GALNT17: variants seen among roughly 807,000 people sequenced by gnomAD.
GALNT17 encodes UDP-GalNAc:polypeptide N-acetylgalactosaminyltransferase-like 3.
Under a neutral mutation model 63.7 loss-of-function variants are expected in GALNT17, and 29 were observed. The ratio of observed to expected loss-of-function variants is 0.46; its 90% CI spans 0.34 to 0.62. The LOEUF is 0.62. Ranked by LOEUF, GALNT17 falls within the 20% of genes least tolerant of loss-of-function variation. The probability of loss-of-function intolerance (pLI) is 0.01; values close to 1 mark genes in which losing one functional copy is unlikely to be tolerated. For synonymous variants in GALNT17, 305 were observed against 318.3 expected, an observed-to-expected ratio of 0.96 and a Z score of 0.45; for missense variants, 603 against 799.6, an observed-to-expected ratio of 0.75 and a Z score of 2.97.
intron 1 of GALNT17, among the ~76,000 whole-genome samples, chr7:71,207,687 G>A (rs1253774502): frequency 6.6e-6 from 1 of 152,118 alleles, no homozygotes; most frequent in Middle Eastern, 3.2e-3. Context: ...GAATTTGGGA[G>A]GGCATAGTGA....
intron 5 of GALNT17, among the ~76,000 whole-genome samples, chr7:71,565,370 G>A (rs1789325282): frequency 2.0e-5 from 3 of 152,180 alleles, no homozygotes; most frequent in African/African-American, 4.8e-5. Context: ...CCTCAGTGAA[G>A]GTGATGTGAT....
chr7:71,379,740 G>A (rs1792810218), intron 2 of GALNT17, among the ~76,000 whole-genome samples: 1 of 152,096 alleles, frequency 6.6e-6, no homozygotes, highest in Non-Finnish European at 1.5e-5. Flanking sequence ...GCTGAATTTG[G>A]GATGTTTATG....
intron 1 of GALNT17, among the ~76,000 whole-genome samples, chr7:71,151,783 A>G (rs900555823): frequency 6.6e-6 from 1 of 152,162 alleles, no homozygotes. Context: ...GTTTGTAATT[A>G]TAAACAACTA....
chr7:71,593,375 C>T (rs1344306299), intron 6 of GALNT17, among the ~76,000 whole-genome samples: 2 of 147,616 alleles, frequency 1.4e-5, no homozygotes, highest in East Asian at 4.0e-4. Context: ...AAGCTATTCT[C>T]CTGCCTCAGC....
chr7:71,322,647 G>C (rs1181820699), intron 1 of GALNT17, among the ~76,000 whole-genome samples: 1 of 152,152 alleles, frequency 6.6e-6, no homozygotes, highest in East Asian at 1.9e-4. Context: ...GAAGCCCCAA[G>C]CCTCATTGTG....
At chr7:71,450,815 T>C (rs1450086947) in intron 5 of GALNT17, among the ~76,000 whole-genome samples, 4 of 152,248 alleles carry the variant, frequency 2.6e-5, no homozygotes, top group Non-Finnish European at 4.4e-5. Flanking sequence ...GCGTGTGTGC[T>C]GGCTTGAGTG....
intron 1 of GALNT17, among the ~76,000 whole-genome samples, chr7:71,216,065 A>AATAATAATG (rs147593554): frequency 0.32 from 48,124 of 151,032 alleles, 8,538 homozygotes; most frequent in South Asian, 0.52. Flanking sequence ...TAATAATAAT[A>AATAATAATG]AAAAAGCCAA....
chr7:71,334,401 G>A (rs1791861482), intron 1 of GALNT17, among the ~76,000 whole-genome samples: 1 of 152,072 alleles, frequency 6.6e-6, no homozygotes. Flanking sequence ...TCTGTCAGTG[G>A]CAGCAATGAA....
chr7:71,500,414 T>C (rs965536605), intron 5 of GALNT17, among the ~76,000 whole-genome samples: 1 of 152,172 alleles, frequency 6.6e-6, no homozygotes, highest in African/African-American at 2.4e-5. Flanking sequence ...TCCTCCTTGA[T>C]CCTCCACCTA....
intron 5 of GALNT17, among the ~76,000 whole-genome samples, chr7:71,438,308 G>A (rs1787003430): frequency 6.6e-6 from 1 of 152,232 alleles, no homozygotes; most frequent in East Asian, 1.9e-4. Context: ...ATGGGAGAAA[G>A]ATGCAGTCTG....
rs1243214247 is a variant in GALNT17 at position 71,713,546 on chromosome 7, A to G, written c.*1400A>G. 1 of 152,156 alleles carries G rather than the reference A, an allele frequency of 6.6e-6. No homozygotes were observed. The highest frequency in any genetic ancestry group is 6.6e-5 in the Admixed American group (1 of 15,248). 9.4% of individuals were successfully genotyped at this position (152,156 alleles called of 1,614,324 possible). ...ATTTGGTGACGTCTTACTGGTGATC[A>G]TCTCCTCACCCCATCTCCCACCTTG... On this transcript the variant is annotated 3_prime_UTR_variant, in exon 11 of 11. Transcript: ENST00000333538.
chr7:71,371,691 T>A (rs2116276133), intron 2 of GALNT17, among the ~76,000 whole-genome samples: 1 of 152,334 alleles, frequency 6.6e-6, no homozygotes, highest in Admixed American at 6.5e-5. Context: ...TTCACTTATA[T>A]CTTGTTTTAT....
chr7:71,288,807 T>C (rs1307788274), intron 1 of GALNT17, among the ~76,000 whole-genome samples: 1 of 151,878 alleles, frequency 6.6e-6, no homozygotes, highest in Admixed American at 6.6e-5. Context: ...GAGAGGAGAG[T>C]TGGTTGATGC....
At chr7:71,197,986 T>C in intron 1 of GALNT17, among the ~76,000 whole-genome samples, 1 of 151,714 alleles carries the variant, frequency 6.6e-6, no homozygotes, top group African/African-American at 2.4e-5. Context: ...TCACCAGAGG[T>C]TGGGAGTTCG....
intron 1 of GALNT17, among the ~76,000 whole-genome samples, chr7:71,193,177 C>A (rs978377507): frequency 2.0e-5 from 3 of 151,952 alleles, no homozygotes; most frequent in African/African-American, 7.2e-5. Flanking sequence ...TTGCTCACTG[C>A]AGCCTTGACC....
intron 3 of GALNT17, among the ~76,000 whole-genome samples, chr7:71,400,518 T>C (rs1793221238): frequency 6.6e-6 from 1 of 152,230 alleles, no homozygotes; most frequent in African/African-American, 2.4e-5. Context: ...CTTTTCTTTT[T>C]GATACCAAAG....
chr7:71,294,409 C>CTTTTTTTTTTT (rs869086513), intron 1 of GALNT17, among the ~76,000 whole-genome samples: 1 of 91,920 alleles, frequency 1.1e-5, no homozygotes, highest in Non-Finnish European at 1.9e-5. Context: ...CTCATAAGTC[C>CTTTTTTTTTTT]TTTTTTTTTT....
At chr7:71,307,557 C>T (rs553356970) in intron 1 of GALNT17, 1 of 151,970 alleles carries the variant, frequency 6.6e-6, no homozygotes, top group East Asian at 2.1e-4. Flanking sequence ...CTTAAGAGAG[C>T]AGAGAGTGGA....
intron 5 of GALNT17, among the ~76,000 whole-genome samples, chr7:71,480,578 C>G (rs748501758): frequency 2.6e-5 from 4 of 152,206 alleles, no homozygotes; most frequent in Non-Finnish European, 5.9e-5. Flanking sequence ...ACGATCTTGG[C>G]TCACTGCAAC....
Sources: allele counts gnomAD v4.1 joint callset (sites outside exome capture counted in the v4.1 genomes callset), GRCh38; gene constraint gnomAD v4.1.1; transcripts MANE v1.5; gene names NCBI Gene and HGNC (gene_info 2026-07-23, HGNC 2026-07-21).